Variants in TEAD1 observed in about 807,000 individuals in gnomAD.
TEAD1 encodes the protein TEA domain transcription factor 1, also known as transcriptional enhancer factor TEF-1.
TEAD1 carries 9 observed loss-of-function variants against 54.9 expected under a neutral mutation model. The observed-to-expected ratio is 0.16, with a 90% CI of 0.10 to 0.29. The LOEUF is 0.29. Ranked by LOEUF, TEAD1 falls within the 10% of genes least tolerant of loss-of-function variation. TEAD1 has a pLI of 1.00. For synonymous variants in TEAD1, 200 were observed against 187.8 expected (o/e 1.07, Z -0.53); for missense variants, 387 against 535.9 (o/e 0.72, Z 2.74).
chr11:12,851,075 A>G lies in TEAD1; in HGVS notation c.203-11175A>G, dbSNP rs1157539738. 4.1e-6 allele frequency: 4 copies of G among 983,320 alleles called. No individual in the cohort carries two copies. The African/African-American group carries it at 5.2e-5, about 13-fold the overall frequency. 60.9% of individuals were successfully genotyped at this position (983,320 alleles called of 1,614,324 possible). A position where few individuals can be genotyped will look rare whatever the true frequency, so the allele number is the denominator to read the frequency against. On this transcript the variant is annotated intron_variant, in intron 3 of 12. Coordinates refer to ENST00000527636, the MANE Select transcript of TEAD1 (RefSeq NM_021961.6). ...GATCTTTTCTTCGGATTTTCTTTATACAAAAGAGGTGAGCTCCTTCATTCA... is the reference window on the plus strand; with the variant it reads ...GATCTTTTCTTCGGATTTTCTTTATGCAAAAGAGGTGAGCTCCTTCATTCA...
intron 9 of TEAD1, among the ~76,000 whole-genome samples, chr11:12,893,271 C>T (rs17410829): frequency 0.28 from 41,909 of 152,058 alleles, 6,139 homozygotes; most frequent in Admixed American, 0.41. Flanking sequence ...GGTCTTCCAG[C>T]AGGACGTAGG....
intron 3 of TEAD1, among the ~76,000 whole-genome samples, chr11:12,776,748 A>G (rs1203619650): frequency 2.1e-5 from 3 of 145,258 alleles, no homozygotes; most frequent in Non-Finnish European, 4.5e-5. Context: ...TTCAAAGCCC[A>G]TTTGGATATT....
At chr11:12,935,441 A>ATTTAT (rs1554951549) in intron 12 of TEAD1, among the ~76,000 whole-genome samples, 2 of 149,550 alleles carry the variant, frequency 1.3e-5, no homozygotes, top group Non-Finnish European at 3.0e-5. Flanking sequence ...TCATTCAGCA[A>ATTTAT]TTATTTATTT....
chr11:12,885,722 T>C (rs1038544642), intron 9 of TEAD1, among the ~76,000 whole-genome samples: 6 of 152,218 alleles, frequency 3.9e-5, no homozygotes, highest in African/African-American at 1.2e-4. Flanking sequence ...ATTAAAATAA[T>C]GTGGTAGCTC....
chr11:12,757,747 T>C (rs4445614), intron 2 of TEAD1, among the ~76,000 whole-genome samples: 18,126 of 152,198 alleles, frequency 0.12, 3,660 homozygotes, highest in African/African-American at 0.41. Flanking sequence ...ATATTTGTGT[T>C]TTCTGGTTGT....
At chr11:12,900,136 A>G (rs1948398709) in intron 9 of TEAD1, among the ~76,000 whole-genome samples, 2 of 152,166 alleles carry the variant, frequency 1.3e-5, no homozygotes, top group East Asian at 1.9e-4. Flanking sequence ...TCATAGCTCC[A>G]TTACACCTTC....
intron 3 of TEAD1, among the ~76,000 whole-genome samples, chr11:12,857,988 C>T (rs139705309): frequency 5.7e-4 from 87 of 152,224 alleles, no homozygotes; most frequent in Non-Finnish European, 9.7e-4. Context: ...ACCACAGTCC[C>T]GTGCTACTTG....
chr11:12,762,848 G>A (rs1022511946), intron 2 of TEAD1, among the ~76,000 whole-genome samples: 2 of 152,128 alleles, frequency 1.3e-5, no homozygotes, highest in African/African-American at 4.8e-5. Flanking sequence ...GTCAGGTAAC[G>A]GCCCTGGAAT....
intron 2 of TEAD1, among the ~76,000 whole-genome samples, chr11:12,745,218 T>A (rs1422843581): frequency 6.6e-6 from 1 of 152,190 alleles, no homozygotes; most frequent in Non-Finnish European, 1.5e-5. Context: ...ACCAGGATTA[T>A]TAAAGATCTT....
chr11:12,754,818 G>T (rs534406332), intron 2 of TEAD1, among the ~76,000 whole-genome samples: 1 of 152,202 alleles, frequency 6.6e-6, no homozygotes, highest in Non-Finnish European at 1.5e-5. Context: ...CAGGAGTGAA[G>T]TGTGGATTTC....
intron 3 of TEAD1, among the ~76,000 whole-genome samples, chr11:12,795,330 G>A (rs1435528415): frequency 6.6e-6 from 1 of 152,174 alleles, no homozygotes; most frequent in African/African-American, 2.4e-5. Flanking sequence ...GTATGACCTT[G>A]ACTGATCATA....
intron 3 of TEAD1, among the ~76,000 whole-genome samples, chr11:12,859,128 C>A (rs1001584800): frequency 1.3e-5 from 2 of 152,186 alleles, no homozygotes; most frequent in Non-Finnish European, 2.9e-5. Context: ...TGAGTTGACA[C>A]TGTTTAACTC....
At chr11:12,783,338 C>G (rs900407874) in intron 3 of TEAD1, among the ~76,000 whole-genome samples, 1 of 151,990 alleles carries the variant, frequency 6.6e-6, no homozygotes, top group Admixed American at 6.5e-5. Flanking sequence ...GAGCCTAGCC[C>G]TCATGCTCTG....
chr11:12,793,866 T>A (rs1349839816), intron 3 of TEAD1, among the ~76,000 whole-genome samples: 1 of 152,226 alleles, frequency 6.6e-6, no homozygotes, highest in Non-Finnish European at 1.5e-5. Flanking sequence ...ACTCCAGTTG[T>A]TCAAAAGCCG....
chr11:12,869,202 T>G (rs1947687887), intron 5 of TEAD1, among the ~76,000 whole-genome samples: 1 of 152,122 alleles, frequency 6.6e-6, no homozygotes, highest in Non-Finnish European at 1.5e-5. Flanking sequence ...TGGAAAGACC[T>G]CGCCAGCCAG....
At chr11:12,710,800 T>G (rs1272455343) in intron 2 of TEAD1, among the ~76,000 whole-genome samples, 2 of 151,992 alleles carry the variant, frequency 1.3e-5, no homozygotes, top group Admixed American at 6.6e-5. Flanking sequence ...GCAGGTGGGT[T>G]GTTGTGACAC....
chr11:12,858,095 G>C (rs1947428018), intron 3 of TEAD1, among the ~76,000 whole-genome samples: 1 of 152,060 alleles, frequency 6.6e-6, no homozygotes, highest in Non-Finnish European at 1.5e-5. Context: ...ATAAATGTGA[G>C]ACCCTGTCTA....
At chr11:12,892,672 A>C (rs765920829) in intron 9 of TEAD1, among the ~76,000 whole-genome samples, 5 of 152,250 alleles carry the variant, frequency 3.3e-5, no homozygotes, top group East Asian at 3.9e-4. Flanking sequence ...AATAAAAAAG[A>C]AGCAGCAGCA....
intron 2 of TEAD1, among the ~76,000 whole-genome samples, chr11:12,709,129 G>A (rs1159763532): frequency 6.6e-6 from 1 of 152,280 alleles, no homozygotes; most frequent in Admixed American, 6.5e-5. Flanking sequence ...CTTGAGGTCA[G>A]TTGTTTAAGA....
Sources: allele counts gnomAD v4.1 joint callset (sites outside exome capture counted in the v4.1 genomes callset), GRCh38; gene constraint gnomAD v4.1.1; transcripts MANE v1.5; gene names NCBI Gene and HGNC (gene_info 2026-07-23, HGNC 2026-07-21).